The following KCND2 variants were observed in gnomAD, a reference collection of about 807,000 sequenced individuals.
The protein encoded by KCND2 is A-type voltage-gated potassium channel KCND2.
KCND2 carries 16 observed loss-of-function variants against 54.4 expected under a neutral mutation model. The observed-to-expected ratio is 0.29, with a 90% confidence interval of 0.20 to 0.45. The LOEUF is 0.45. Ranked by LOEUF, KCND2 falls within the 20% of genes least tolerant of loss-of-function variation. The probability of loss-of-function intolerance (pLI) is 1.00; values close to 1 mark genes in which losing one functional copy is unlikely to be tolerated. For missense variants in KCND2, 486 were observed against 824.2 expected, an observed-to-expected ratio of 0.59 and a Z score of 5.02; for synonymous variants, 317 against 310.7, an observed-to-expected ratio of 1.02 and a Z score of -0.21.
intron 1 of KCND2, among the ~76,000 whole-genome samples, chr7:120,595,654 T>A (rs1351520654): frequency 1.3e-5 from 2 of 148,846 alleles, no homozygotes; most frequent in African/African-American, 2.5e-5. Flanking sequence ...ATTGCTAATA[T>A]CTCAAATACT....
intron 1 of KCND2, among the ~76,000 whole-genome samples, chr7:120,516,245 G>A (rs2116339569): frequency 6.6e-6 from 1 of 152,170 alleles, no homozygotes; most frequent in East Asian, 1.9e-4. Flanking sequence ...ATTCGGCACT[G>A]CAAATAATTT....
chr7:120,281,647 C>T (rs1319538051), intron 1 of KCND2, among the ~76,000 whole-genome samples: 1 of 152,016 alleles, frequency 6.6e-6, no homozygotes, highest in Non-Finnish European at 1.5e-5. Context: ...ATGGTTTTAC[C>T]TCTTGACATT....
chr7:120,397,999 A>G (rs1021062740), intron 1 of KCND2, among the ~76,000 whole-genome samples: 390 of 8,720 alleles, frequency 0.045, 4 homozygotes, highest in South Asian at 0.28. Context: ...GTGTGTGTAT[A>G]TATATATATA....
At chr7:120,538,871 G>A (rs1791944380) in intron 1 of KCND2, among the ~76,000 whole-genome samples, 2 of 152,122 alleles carry the variant, frequency 1.3e-5, no homozygotes, top group South Asian at 4.1e-4. Context: ...GGATATACAG[G>A]CTGGAGGACT....
chr7:120,697,207 G>T (rs1359280670), intron 1 of KCND2, among the ~76,000 whole-genome samples: 1 of 152,140 alleles, frequency 6.6e-6, no homozygotes, highest in Non-Finnish European at 1.5e-5. Flanking sequence ...ATAGGGTAAA[G>T]AAATCAGAGG....
intron 1 of KCND2, among the ~76,000 whole-genome samples, chr7:120,517,843 C>T (rs569587067): frequency 6.6e-6 from 1 of 152,220 alleles, no homozygotes; most frequent in African/African-American, 2.4e-5. Flanking sequence ...TACTATTCTC[C>T]TTACCTGAAA....
chr7:120,384,998 C>CTTTTTTTTTTT (rs372225817), intron 1 of KCND2, among the ~76,000 whole-genome samples: 5 of 82,512 alleles, frequency 6.1e-5, no homozygotes, highest in Admixed American at 4.1e-4. Context: ...TTGTATATAA[C>CTTTTTTTTTTT]TTTTTTTTTT....
intron 1 of KCND2, among the ~76,000 whole-genome samples, chr7:120,720,557 G>A (rs1792653893): frequency 6.6e-6 from 1 of 152,150 alleles, no homozygotes; most frequent in South Asian, 2.1e-4. Flanking sequence ...GCACTGGCAG[G>A]AGATTGGAGA....
chr7:120,471,238 G>A (rs753609991), intron 1 of KCND2, among the ~76,000 whole-genome samples: 3 of 151,976 alleles, frequency 2.0e-5, no homozygotes, highest in Admixed American at 6.6e-5. Flanking sequence ...GGAAACTTAA[G>A]TTATTATCTT....
chr7:120,688,148 A>G (rs546166704), intron 1 of KCND2, among the ~76,000 whole-genome samples: 1 of 152,196 alleles, frequency 6.6e-6, no homozygotes, highest in Admixed American at 6.6e-5. Context: ...TATTTAATGT[A>G]AAAAATTGCA....
At chr7:120,568,115 C>T (rs111659710) in intron 1 of KCND2, among the ~76,000 whole-genome samples, 5,270 of 151,982 alleles carry the variant, frequency 0.035, 110 homozygotes, top group Non-Finnish European at 0.05. Flanking sequence ...CTTTTCTCAA[C>T]ATAAATAGAG....
chr7:120,598,008 A>G (rs940619490), intron 1 of KCND2, among the ~76,000 whole-genome samples: 1 of 152,062 alleles, frequency 6.6e-6, no homozygotes, highest in Middle Eastern at 3.4e-3. Context: ...AACCGCCTCC[A>G]CAAGAGCATT....
intron 1 of KCND2, among the ~76,000 whole-genome samples, chr7:120,405,146 G>A (rs1352204987): frequency 6.6e-6 from 1 of 151,528 alleles, no homozygotes; most frequent in East Asian, 1.9e-4. Flanking sequence ...TTTTTCAAAG[G>A]GGCCAGAATT....
intron 1 of KCND2, among the ~76,000 whole-genome samples, chr7:120,616,809 C>T (rs1793031215): frequency 1.3e-5 from 2 of 152,098 alleles, no homozygotes; most frequent in African/African-American, 2.4e-5. Flanking sequence ...GGTGACAATT[C>T]AGCATCCTTC....
chr7:120,714,176 C>T (rs1252630337), intron 1 of KCND2, among the ~76,000 whole-genome samples: 2 of 152,048 alleles, frequency 1.3e-5, no homozygotes, highest in African/African-American at 4.8e-5. Flanking sequence ...AAGAAGCTCG[C>T]TTATTTTCTT....
At chr7:120,698,179 T>A (rs919039217) in intron 1 of KCND2, among the ~76,000 whole-genome samples, 5 of 152,104 alleles carry the variant, frequency 3.3e-5, no homozygotes, top group Middle Eastern at 3.2e-3. Context: ...CATGCCCAGA[T>A]AACTGTTGTA....
chr7:120,416,144 G>A (rs1289618491), intron 1 of KCND2, among the ~76,000 whole-genome samples: 2 of 152,186 alleles, frequency 1.3e-5, no homozygotes, highest in East Asian at 3.9e-4. Flanking sequence ...TTCTCTTAGA[G>A]CTCTTTTTTT....
intron 1 of KCND2, among the ~76,000 whole-genome samples, chr7:120,438,462 AT>A (rs1481567849): frequency 6.6e-6 from 1 of 152,206 alleles, no homozygotes; most frequent in Non-Finnish European, 1.5e-5. Flanking sequence ...GGCAATAATT[AT>A]GTGTAGAATG....
intron 1 of KCND2, among the ~76,000 whole-genome samples, chr7:120,511,237 C>G (rs1407225237): frequency 6.6e-6 from 1 of 152,024 alleles, no homozygotes; most frequent in African/African-American, 2.4e-5. Flanking sequence ...TCAAGGAGAT[C>G]TTCCCAAATC....
Sources: gnomAD v4.1 joint callset for allele counts (sites outside exome capture counted in the v4.1 genomes callset) on GRCh38, gnomAD v4.1.1 for gene constraint, MANE v1.5 for transcripts, NCBI Gene and HGNC (gene_info 2026-07-23, HGNC 2026-07-21) for gene names.